Variants in NHSL1 observed in about 807,000 individuals in gnomAD.
The protein encoded by NHSL1 is NHS-like protein 1.
Under a neutral mutation model 95.0 loss-of-function variants are expected in NHSL1, and 48 were observed. The ratio of observed to expected loss-of-function variants is 0.51; its 90% CI spans 0.40 to 0.64. The LOEUF is 0.64. Ranked by LOEUF, NHSL1 falls within the 30% of genes least tolerant of loss-of-function variation. The pLI is 0.00. For synonymous variants in NHSL1, 783 were observed against 833.9 expected (o/e 0.94, Z 1.05); for missense variants, 1,971 against 2,077.7 (o/e 0.95, Z 1.00).
chr6:138,679,348 T>C (rs889123803), intron 1 of NHSL1, among the ~76,000 whole-genome samples: 1 of 152,184 alleles, frequency 6.6e-6, no homozygotes, highest in Non-Finnish European at 1.5e-5. Context: ...CCAATAGGCA[T>C]GCTGCTCAAG....
At chr6:138,656,879 G>T (rs1259432443) in intron 1 of NHSL1, among the ~76,000 whole-genome samples, 1 of 152,148 alleles carries the variant, frequency 6.6e-6, no homozygotes, top group Non-Finnish European at 1.5e-5. Context: ...TTATTTAGGG[G>T]TCAACTGCAG....
chr6:138,682,062 A>C (rs1583479367), intron 1 of NHSL1, among the ~76,000 whole-genome samples: 1 of 151,264 alleles, frequency 6.6e-6, no homozygotes, highest in Admixed American at 6.6e-5. Context: ...GCTCACTGCA[A>C]CCTCCACCTC....
intron 1 of NHSL1, among the ~76,000 whole-genome samples, chr6:138,672,143 C>T (rs939740903): frequency 6.6e-6 from 1 of 152,138 alleles, no homozygotes; most frequent in African/African-American, 2.4e-5. Flanking sequence ...GCCCAGTGCT[C>T]GTGTCTGTGG....
intron 1 of NHSL1, among the ~76,000 whole-genome samples, chr6:138,563,107 T>C (rs1783475829): frequency 6.6e-6 from 1 of 152,230 alleles, no homozygotes; most frequent in African/African-American, 2.4e-5. Flanking sequence ...CCACATCTGT[T>C]TCTCTGCCCA....
At chr6:138,686,095 A>G (rs1421147750) in intron 1 of NHSL1, among the ~76,000 whole-genome samples, 1 of 152,194 alleles carries the variant, frequency 6.6e-6, no homozygotes, top group Non-Finnish European at 1.5e-5. Context: ...AGTTCAAGAG[A>G]TCTATAATCA....
intron 2 of NHSL1, among the ~76,000 whole-genome samples, chr6:138,494,760 A>C (rs757627094): frequency 6.6e-6 from 1 of 152,196 alleles, no homozygotes; most frequent in African/African-American, 2.4e-5. Flanking sequence ...TTGGTATACT[A>C]AAGTCCCAAA....
At chr6:138,623,329 G>A (rs1354709771) in intron 1 of NHSL1, among the ~76,000 whole-genome samples, 2 of 152,134 alleles carry the variant, frequency 1.3e-5, no homozygotes, top group African/African-American at 4.8e-5. Flanking sequence ...AACAGGGCCC[G>A]GAGTGCAACA....
chr6:138,553,638 A>G (rs139053529), intron 1 of NHSL1, among the ~76,000 whole-genome samples: 2 of 152,344 alleles, frequency 1.3e-5, no homozygotes, highest in African/African-American at 4.8e-5. Context: ...TAAGACACAT[A>G]ACCACCAGCA....
chr6:138,634,286 G>C (rs745842842), intron 1 of NHSL1, among the ~76,000 whole-genome samples: 15 of 151,300 alleles, frequency 9.9e-5, no homozygotes, highest in Non-Finnish European at 1.8e-4. Flanking sequence ...TAAAAAACAA[G>C]ACTCAATAAT....
In NHSL1 at chr6:138,432,368, T is replaced by C. The variant is rs1775753801; in HGVS notation, c.1977A>G (p.Leu659=). 6.4e-7 allele frequency: 1 copy of C among 1,551,842 alleles called. No individual in the cohort carries two copies. Among genetic ancestry groups the C allele is most frequent in the Non-Finnish European group, 8.7e-7 (1 of 1,147,064 alleles). Residue 659 remains leucine (L), a synonymous_variant, in exon 6 of 8, where the codon CTA becomes CTG. Transcript: ENST00000343505. The surrounding 1 kb of genome is among the most constrained non-coding windows in gnomAD (Gnocchi z 4.4). The stretch of plus-strand genomic sequence containing the variant: ...CTTTCTTCAAAGAGATGTTTCTTGA[T>C]AGGGATTTATCCTGGTAATTGGACC... ...GDRSNYQDKS[L]SRNISLKKAK... is the part of the protein sequence containing the mutation.
intron 1 of NHSL1, among the ~76,000 whole-genome samples, chr6:138,684,925 G>C (rs1785565583): frequency 6.6e-6 from 1 of 152,034 alleles, no homozygotes; most frequent in African/African-American, 2.4e-5. Flanking sequence ...AGTTACTAGG[G>C]GCCTAGTTAG....
At position 138,431,689 on chromosome 6, in the gene NHSL1, G is replaced by C. The variant is rs1299722335; in HGVS notation, c.2656C>G (p.Pro886Ala). The C allele has an allele frequency of 6.4e-7, 1 of 1,551,692 alleles. No individual in the cohort carries two copies. Among genetic ancestry groups the C allele is most frequent in the Non-Finnish European group, 8.7e-7 (1 of 1,146,956 alleles). Residue 886 changes from proline (P) to alanine (A), a missense_variant, in exon 6 of 8, where the codon CCA becomes GCA. This residue lies in a region of NHSL1 where 1,602 missense variants were observed against 1,654.5 expected (regional missense o/e 0.97). Transcript: ENST00000343505. This position sits in a 1 kb window ranked among gnomAD's most constrained non-coding sequence, Gnocchi z 4.0. ...NGKGKPKPKVPERKSSLISSV... is the reference protein window; with the variant it reads ...NGKGKPKPKVAERKSSLISSV... ...GATATCAGAGAGGACTTCCTTTCTGGTACCTTGGGCTTGGGCTTCCCCTTC... is the reference window on the plus strand; with the variant it reads ...GATATCAGAGAGGACTTCCTTTCTGCTACCTTGGGCTTGGGCTTCCCCTTC...
chr6:138,577,477 T>C (rs1307836609), upstream of NHSL1, among the ~76,000 whole-genome samples: 2 of 152,276 alleles, frequency 1.3e-5, no homozygotes, highest in East Asian at 3.9e-4. Context: ...CAAGCGCCGC[T>C]GGGGTTGGCT....
chr6:138,665,598 T>A (rs888104992), intron 1 of NHSL1, among the ~76,000 whole-genome samples: 2 of 152,262 alleles, frequency 1.3e-5, no homozygotes, highest in African/African-American at 4.8e-5. Context: ...TGAATGAATG[T>A]TGAACACAAT....
intron 1 of NHSL1, among the ~76,000 whole-genome samples, chr6:138,603,850 G>A (rs538698767): frequency 6.6e-6 from 1 of 152,252 alleles, no homozygotes; most frequent in South Asian, 2.1e-4. Flanking sequence ...TCACATACCT[G>A]TACCAACCAC....
chr6:138,445,019 G>C (rs1776771785), intron 4 of NHSL1, among the ~76,000 whole-genome samples: 1 of 152,018 alleles, frequency 6.6e-6, no homozygotes, highest in African/African-American at 2.4e-5. Flanking sequence ...GCATTTTAAA[G>C]GCCTCTCTTT....
chr6:138,523,906 A>G (rs939314984), intron 1 of NHSL1, among the ~76,000 whole-genome samples: 2 of 152,350 alleles, frequency 1.3e-5, no homozygotes, highest in East Asian at 3.9e-4. Flanking sequence ...CAAAATAAAA[A>G]TAATAGCAAA....
chr6:138,466,139 A>T (rs1207395594), intron 3 of NHSL1, among the ~76,000 whole-genome samples: 2 of 150,126 alleles, frequency 1.3e-5, no homozygotes, highest in East Asian at 3.9e-4. Context: ...TCCCGGGTTC[A>T]CGCCATCCTC....
chr6:138,692,239 C>CG lies in NHSL1; in HGVS notation c.96+236dup, dbSNP rs1480106725. ...AGGGGACTGTCCAATTCCCACCCTCCGCGCCCACTCTCTCGAGGTAGCCAA... is the reference window on the plus strand; with the variant it reads ...AGGGGACTGTCCAATTCCCACCCTCCGGCGCCCACTCTCTCGAGGTAGCCAA... On this transcript the variant is annotated intron_variant, in intron 1 of 3. Transcript: ENST00000491526. This position sits in a 1 kb window ranked among gnomAD's most constrained non-coding sequence, Gnocchi z 4.0. 1.1e-5 allele frequency: 5 copies of CG among 454,156 alleles called. No individual in the cohort carries two copies. The highest frequency in any genetic ancestry group is 2.2e-5 in the Non-Finnish European group (5 of 225,332). The allele number at this position is 454,156 out of a possible 1,614,324, so 28.1% of individuals were successfully genotyped here.
Sources: gnomAD v4.1 joint callset for allele counts (sites outside exome capture counted in the v4.1 genomes callset) on GRCh38, gnomAD v4.1.1 for gene constraint, gnomAD v4.1.1 regional missense constraint, Gnocchi (gnomAD v3.1) non-coding constraint, MANE v1.5 for transcripts, NCBI Gene and HGNC (gene_info 2026-07-23, HGNC 2026-07-21) for gene names.